Variants in STX8 observed in about 807,000 individuals in gnomAD.
STX8 encodes syntaxin 8.
In STX8, 23 loss-of-function variants were observed where a neutral mutation model predicts 37.5. The observed-to-expected ratio is 0.61, with a 90% confidence interval of 0.44 to 0.87. The LOEUF is 0.87. Among genes scored for constraint, STX8 ranks in the 40% least tolerant of loss-of-function variants. The pLI is 0.00. For synonymous variants in STX8, 115 were observed against 99.1 expected (o/e 1.16, Z -0.95); for missense variants, 313 against 284.7 (o/e 1.10, Z -0.71).
intron 2 of STX8, among the ~76,000 whole-genome samples, chr17:9,564,021 C>A (rs1166094094): frequency 1.3e-5 from 2 of 152,168 alleles, no homozygotes; most frequent in Non-Finnish European, 2.9e-5. Flanking sequence ...GCAGGAAAGG[C>A]TTTTGATAAA....
intron 3 of STX8, among the ~76,000 whole-genome samples, chr17:9,548,043 T>G (rs985067095): frequency 6.6e-6 from 1 of 151,996 alleles, no homozygotes; most frequent in Admixed American, 6.6e-5. Flanking sequence ...CCCTCCTGCC[T>G]CCCAAAGTGC....
At chr17:9,498,959 CATCA>C (rs1259715877) in intron 5 of STX8, among the ~76,000 whole-genome samples, 3 of 152,180 alleles carry the variant, frequency 2.0e-5, no homozygotes, top group Non-Finnish European at 4.4e-5. Flanking sequence ...AAGTGATTGT[CATCA>C]CCCACCCATC....
rs1228108727 is a variant in STX8, at chr17:9,305,188, G to C, written c.644-54543C>G. ...GCTCACTGCAACCTCCACCTCCTGG[G>C]TTCAAGCGATTCTCCTGCCTCAGCA... On this transcript the variant is annotated intron_variant, in intron 7 of 7. Transcript: ENST00000306357. Among the ~76,000 whole-genome samples the C allele has an allele frequency of 2.6e-5, 4 of 152,146 alleles. No homozygotes were observed. The East Asian group carries it at 7.7e-4, about 29-fold the overall frequency.
intron 7 of STX8, among the ~76,000 whole-genome samples, chr17:9,365,601 TA>T (rs1911204984): frequency 6.6e-6 from 1 of 152,150 alleles, no homozygotes; most frequent in Admixed American, 6.5e-5. Flanking sequence ...GAAGTTAAAT[TA>T]AAAAAGCAGA....
In STX8 at chr17:9,513,748, G is replaced by A. The variant is rs556517687; in HGVS notation, c.324-8586C>T. Among the ~76,000 whole-genome samples, 5 of 152,284 alleles carry A rather than the reference G, an allele frequency of 3.3e-5. No homozygotes were observed. The East Asian group carries it at 9.6e-4, about 29-fold the overall frequency. On this transcript the variant is annotated intron_variant, in intron 4 of 7. Coordinates refer to ENST00000306357, the MANE Select transcript of STX8 (RefSeq NM_004853.3). ...CATGTTTACTGCAGCACTATTCACA[G>A]TAGGCAAAATATGGAATCAACCTAT...
At chr17:9,543,908 G>A (rs370461296) in intron 4 of STX8, among the ~76,000 whole-genome samples, 3 of 152,052 alleles carry the variant, frequency 2.0e-5, no homozygotes, top group East Asian at 1.9e-4. Context: ...ACCTTGGATC[G>A]CCGCTCCTGA....
chr17:9,483,309 G>C (rs1161563484), intron 6 of STX8, among the ~76,000 whole-genome samples: 1 of 152,114 alleles, frequency 6.6e-6, no homozygotes, highest in African/African-American at 2.4e-5. Flanking sequence ...GTAGCATCCT[G>C]CTTCAGTCAC....
chr17:9,292,314 A>G (rs1908340225), intron 7 of STX8, among the ~76,000 whole-genome samples: 1 of 152,258 alleles, frequency 6.6e-6, no homozygotes, highest in African/African-American at 2.4e-5. Flanking sequence ...GTGGGGCTTC[A>G]GCATTCACTG....
intron 7 of STX8, among the ~76,000 whole-genome samples, chr17:9,340,581 T>C (rs2142230496): frequency 6.6e-6 from 1 of 152,010 alleles, no homozygotes; most frequent in East Asian, 1.9e-4. Context: ...ATCCTAAAGT[T>C]ATCTTGAAAG....
intron 1 of STX8, among the ~76,000 whole-genome samples, chr17:9,573,080 A>ACCCCCCCCCCCCCCCCCCC (rs71135994): frequency 3.9e-5 from 4 of 101,578 alleles, no homozygotes; most frequent in Non-Finnish European, 6.0e-5. Context: ...CACCCCCAAC[A>ACCCCCCCCCCCCCCCCCCC]CCCCCCCCCA....
intron 6 of STX8, among the ~76,000 whole-genome samples, chr17:9,438,649 C>G (rs117296148): frequency 0.032 from 4,847 of 152,206 alleles, 114 homozygotes; most frequent in Non-Finnish European, 0.048. Context: ...AGTCAAACAG[C>G]CGGGCGTGGT....
chr17:9,412,673 C>CT (rs1913024434), intron 6 of STX8, among the ~76,000 whole-genome samples: 1 of 152,200 alleles, frequency 6.6e-6, no homozygotes, highest in Non-Finnish European at 1.5e-5. Flanking sequence ...CACACCCAGG[C>CT]TCTCCATCCT....
chr17:9,383,637 CA>C (rs1911892457), intron 6 of STX8, among the ~76,000 whole-genome samples: 2 of 152,154 alleles, frequency 1.3e-5, no homozygotes, highest in Admixed American at 6.5e-5. Context: ...TTCAATAAGG[CA>C]GGGGGGAAGA....
At chr17:9,532,923 C>T (rs1159584210) in intron 4 of STX8, among the ~76,000 whole-genome samples, 1 of 152,156 alleles carries the variant, frequency 6.6e-6, no homozygotes, top group Non-Finnish European at 1.5e-5. Flanking sequence ...AGCATAAAGA[C>T]TGGAAAAAAA....
intron 7 of STX8, among the ~76,000 whole-genome samples, chr17:9,360,271 G>A (rs551927093): frequency 9.9e-6 from 1 of 100,920 alleles, no homozygotes; most frequent in African/African-American, 4.0e-5. Flanking sequence ...TCTCACTCTT[G>A]TAGCCCAGGC....
intron 6 of STX8, among the ~76,000 whole-genome samples, chr17:9,488,369 T>A (rs112426952): frequency 0.014 from 2,111 of 151,870 alleles, 24 homozygotes; most frequent in Middle Eastern, 0.021. Context: ...AGTGGCTCCC[T>A]AAAGATGTCC....
At chr17:9,532,040 A>T (rs1233278524) in intron 4 of STX8, among the ~76,000 whole-genome samples, 1 of 152,056 alleles carries the variant, frequency 6.6e-6, no homozygotes, top group African/African-American at 2.4e-5. Context: ...ATTTGTTCAG[A>T]TCTCAAGGTC....
chr17:9,485,608 C>CA (rs1230636113), intron 6 of STX8, among the ~76,000 whole-genome samples: 2 of 148,294 alleles, frequency 1.3e-5, no homozygotes, highest in African/African-American at 5.0e-5. Flanking sequence ...TTTTTTGAGA[C>CA]AGAGTCTTGC....
intron 7 of STX8, among the ~76,000 whole-genome samples, chr17:9,271,330 T>TG (rs1286273830): frequency 1.3e-5 from 2 of 152,206 alleles, no homozygotes; most frequent in Non-Finnish European, 2.9e-5. Context: ...GGCATGTGCC[T>TG]GTAATCCCAA....
Sources: gnomAD v4.1 joint callset for allele counts (sites outside exome capture counted in the v4.1 genomes callset) on GRCh38, gnomAD v4.1.1 for gene constraint, MANE v1.5 for transcripts, NCBI Gene and HGNC (gene_info 2026-07-23, HGNC 2026-07-21) for gene names.